CHST9: variants seen among roughly 807,000 people sequenced by gnomAD.
The protein encoded by CHST9 is carbohydrate sulfotransferase 9.
A neutral mutation model predicts 44.4 loss-of-function variants in CHST9; 41 were observed. The ratio of observed to expected loss-of-function variants is 0.92; its 90% CI spans 0.72 to 1.20. The LOEUF is 1.20. Ranked by LOEUF, CHST9 falls within the 50% of genes most tolerant of loss-of-function variation. CHST9 has a pLI of 0.00. For synonymous variants in CHST9, 171 were observed against 178.4 expected (o/e 0.96, Z 0.33); for missense variants, 504 against 516.5 (o/e 0.98, Z 0.23).
At chr18:27,024,235 C>T (rs1406239046) in intron 3 of CHST9, 78 bp from the exon 4 acceptor site, 1 of 1,107,142 alleles carries the variant, frequency 9.0e-7, no homozygotes. Flanking sequence ...CACAAAGATG[C>T]CTCAAAGCCT....
intron 2 of CHST9, among the ~76,000 whole-genome samples, chr18:27,138,750 C>A (rs925662515): frequency 1.3e-5 from 2 of 152,094 alleles, no homozygotes; most frequent in Non-Finnish European, 2.9e-5. Context: ...ATATGACTAT[C>A]CTCATTTTAC....
At chr18:27,090,796 T>C (rs2143714964) in intron 2 of CHST9, among the ~76,000 whole-genome samples, 1 of 152,270 alleles carries the variant, frequency 6.6e-6, no homozygotes, top group Middle Eastern at 3.4e-3. Context: ...TTCTGTTCCA[T>C]TGGTCTATAT....
At chr18:27,116,251 T>G (rs111412416) in intron 2 of CHST9, among the ~76,000 whole-genome samples, 122 of 152,322 alleles carry the variant, frequency 8.0e-4, no homozygotes, top group African/African-American at 2.8e-3. Flanking sequence ...AGTTTTATAG[T>G]TTAGGCTCTT....
At chr18:27,020,040 A>G (rs936985665) in intron 4 of CHST9, among the ~76,000 whole-genome samples, 5 of 152,204 alleles carry the variant, frequency 3.3e-5, no homozygotes, top group Non-Finnish European at 7.3e-5. Context: ...GCAACTGGGT[A>G]CAAACCAGGC....
chr18:27,074,027 A>T (rs889440328), intron 2 of CHST9, among the ~76,000 whole-genome samples: 26 of 152,148 alleles, frequency 1.7e-4, no homozygotes, highest in African/African-American at 6.3e-4. Context: ...ACAGAACAAC[A>T]TGTCTTACCT....
chr18:27,116,241 A>G (rs2143795914), intron 2 of CHST9, among the ~76,000 whole-genome samples: 1 of 152,176 alleles, frequency 6.6e-6, no homozygotes, highest in African/African-American at 2.4e-5. Context: ...TTCTCCTAAG[A>G]GTTTTATAGT....
In CHST9 at chr18:26,914,818, T is replaced by G. The variant is rs2055490082; in HGVS notation, c.*1441A>C. ...TCTTTGAAAGCCATTACTGAATATT[T>G]ACTGATAAGAAAAAAATGATAGCTT... On this transcript the variant is annotated 3_prime_UTR_variant, in exon 6 of 6. Transcript: ENST00000618847. The G allele has an allele frequency of 2.5e-6, 1 of 396,580 alleles. No homozygotes were observed. Among genetic ancestry groups the G allele is most frequent in the Non-Finnish European group, 4.4e-6 (1 of 224,782 alleles). The allele number at this position is 396,580 out of a possible 1,614,324, so 24.6% of individuals were successfully genotyped here. A position where few individuals can be genotyped will look rare whatever the true frequency, so the allele number is the denominator to read the frequency against.
At chr18:26,998,445 G>A (rs116683601) in intron 4 of CHST9, among the ~76,000 whole-genome samples, 2,923 of 152,264 alleles carry the variant, frequency 0.019, 112 homozygotes, top group African/African-American at 0.067. Flanking sequence ...TCCAGATTGG[G>A]CTGGGTGCGA....
chr18:26,917,783 C>A (rs1598550670), intron 5 of CHST9, among the ~76,000 whole-genome samples: 1 of 152,028 alleles, frequency 6.6e-6, no homozygotes, highest in Non-Finnish European at 1.5e-5. Context: ...CAGAATAGTT[C>A]AAAATCATAA....
At chr18:26,966,842 C>T (rs2056471396) in intron 4 of CHST9, among the ~76,000 whole-genome samples, 1 of 143,980 alleles carries the variant, frequency 6.9e-6, no homozygotes, top group Non-Finnish European at 1.5e-5. Context: ...TTGATGATTA[C>T]TGGAGATAAG....
intron 2 of CHST9, among the ~76,000 whole-genome samples, chr18:27,141,913 T>A (rs944160015): frequency 6.6e-6 from 1 of 152,100 alleles, no homozygotes; most frequent in Non-Finnish European, 1.5e-5. Context: ...ATATTCTAAG[T>A]TTTTTACTTT....
chr18:27,037,328 G>A (rs1450514716), intron 3 of CHST9, among the ~76,000 whole-genome samples: 2 of 152,152 alleles, frequency 1.3e-5, no homozygotes, highest in African/African-American at 4.8e-5. Context: ...GAAAGGGTAT[G>A]ATGCCTAACT....
At chr18:27,037,517 T>C (rs1473190176) in intron 3 of CHST9, among the ~76,000 whole-genome samples, 2 of 152,112 alleles carry the variant, frequency 1.3e-5, no homozygotes, top group Non-Finnish European at 2.9e-5. Flanking sequence ...TAGTGAGACC[T>C]TGTCTTTACT....
Position 26,916,443 on chromosome 18 carries a change from A to T in CHST9, c.1148T>A (p.Met383Lys), listed in dbSNP as rs1194947867. 11 of 1,613,628 alleles carry T rather than the reference A, an allele frequency of 6.8e-6. No individual in the cohort carries two copies. In the South Asian group the frequency reaches 1.1e-4, roughly 16 times the overall value. Residue 383 changes from methionine (M) to lysine (K), a missense_variant, in exon 6 of 6, where the codon ATG (methionine) becomes AAG (lysine). Coordinates refer to ENST00000618847, the MANE Select transcript of CHST9 (RefSeq NM_031422.6). ...TTTCAGCTCCTTTGGAGCACCGATC[A>T]TCTGTAAAAAGTAATTGGCATCTTC... ...LEEDANYFLQMIGAPKELKFP... is the reference protein window; with the variant it reads ...LEEDANYFLQKIGAPKELKFP...
At chr18:27,150,750 G>C (rs1157847667) in intron 1 of CHST9, among the ~76,000 whole-genome samples, 1 of 151,998 alleles carries the variant, frequency 6.6e-6, no homozygotes, top group East Asian at 1.9e-4. Context: ...AGTTTTCTTT[G>C]TCTGTAAGAA....
At chr18:27,123,118 C>G (rs564713836) in intron 2 of CHST9, among the ~76,000 whole-genome samples, 159 of 152,328 alleles carry the variant, frequency 1.0e-3, no homozygotes, top group African/African-American at 3.7e-3. Flanking sequence ...AGACACATTT[C>G]TCAGAACTCC....
chr18:26,923,177 A>C (rs1478148840), intron 5 of CHST9, among the ~76,000 whole-genome samples: 1 of 152,186 alleles, frequency 6.6e-6, no homozygotes, highest in Non-Finnish European at 1.5e-5. Flanking sequence ...TAACTGCACA[A>C]TTAATTAATC....
intron 1 of CHST9, among the ~76,000 whole-genome samples, chr18:27,159,342 C>G (rs950335649): frequency 2.6e-5 from 4 of 152,134 alleles, no homozygotes; most frequent in African/African-American, 9.7e-5. Flanking sequence ...GCTAGTTTTC[C>G]CAGCACCATT....
intron 5 of CHST9, among the ~76,000 whole-genome samples, chr18:26,937,712 T>C (rs1344581671): frequency 6.6e-6 from 1 of 152,226 alleles, no homozygotes; most frequent in African/African-American, 2.4e-5. Context: ...TTTTGATTTG[T>C]TCCTACTTCG....
Sources: gnomAD v4.1 joint callset for allele counts (sites outside exome capture counted in the v4.1 genomes callset) on GRCh38, gnomAD v4.1.1 for gene constraint, MANE v1.5 for transcripts, NCBI Gene and HGNC (gene_info 2026-07-23, HGNC 2026-07-21) for gene names.